The following RNFT2 variants were observed in gnomAD, a reference collection of about 807,000 sequenced individuals.
RNFT2 encodes the protein ring finger protein, transmembrane 2.
In RNFT2, 36 loss-of-function variants were observed where a neutral mutation model predicts 53.0. The observed-to-expected ratio is 0.68, with a 90% confidence interval of 0.52 to 0.90. The LOEUF is 0.90. RNFT2 is among the 40% of genes least tolerant of loss of function. The pLI is 0.00. For synonymous variants in RNFT2, 260 were observed against 253.2 expected, an observed-to-expected ratio of 1.03 and a Z score of -0.26; for missense variants, 514 against 585.6, an observed-to-expected ratio of 0.88 and a Z score of 1.26.
At chr12:116,848,449 A>G (rs532041572) in intron 10 of RNFT2, among the ~76,000 whole-genome samples, 2 of 151,952 alleles carry the variant, frequency 1.3e-5, no homozygotes, top group African/African-American at 2.4e-5. Flanking sequence ...AAGCCCTACC[A>G]TGGGCCCCTT....
At chr12:116,769,746 T>A (rs1214816898) in intron 6 of RNFT2, among the ~76,000 whole-genome samples, 2 of 151,996 alleles carry the variant, frequency 1.3e-5, no homozygotes. Flanking sequence ...AAAATAAATG[T>A]AACGGCCGGG....
intron 7 of RNFT2, among the ~76,000 whole-genome samples, chr12:116,783,135 A>G (rs1287636890): frequency 6.6e-6 from 1 of 151,608 alleles, no homozygotes; most frequent in Non-Finnish European, 1.5e-5. Context: ...GGAGATACAC[A>G]CTCTTATACC....
In RNFT2 at chr12:116,750,127, G is replaced by A; in HGVS notation, c.370G>A (p.Gly124Ser). 6.3e-7 allele frequency: 1 copy of A among 1,575,928 alleles called. No homozygotes were observed. Among genetic ancestry groups the A allele is most frequent in the South Asian group, 1.1e-5 (1 of 87,350 alleles). Reference sequence around the variant, plus strand: ...TTTCCACCATGGCGGCCACCGCGGGGGCTCCCTGCTGCAGCACGTGGGTGG... The same window carrying A: ...TTTCCACCATGGCGGCCACCGCGGGAGCTCCCTGCTGCAGCACGTGGGTGG... ...HHFHHGGHRGGSLLQHVGGDH... is the reference protein window; with the variant it reads ...HHFHHGGHRGSSLLQHVGGDH... The change falls in exon 4 of 11, where the codon GGC (glycine) becomes AGC (serine). Residue 124 changes from glycine to serine, a missense_variant. Gly to Ser is a moderately conservative substitution (Grantham distance 56, BLOSUM62 0). Around this residue, in one of 3 missense-constraint regions of RNFT2, gnomAD observed 237 missense variants for 235.1 expected, o/e 1.01. Coordinates refer to ENST00000257575, the MANE Select transcript of RNFT2 (RefSeq NM_001382266.1).
intron 5 of RNFT2, among the ~76,000 whole-genome samples, chr12:116,756,815 T>G (rs1872527659): frequency 1.3e-5 from 2 of 152,304 alleles, no homozygotes; most frequent in East Asian, 3.9e-4. Context: ...CTTTCCTGGT[T>G]TTGGTATTAG....
chr12:116,754,822 T>C (rs1872426677), intron 5 of RNFT2, among the ~76,000 whole-genome samples: 1 of 152,256 alleles, frequency 6.6e-6, no homozygotes, highest in South Asian at 2.1e-4. Flanking sequence ...AGCCCACTTT[T>C]TGATGGGATT....
intron 7 of RNFT2, among the ~76,000 whole-genome samples, chr12:116,817,025 T>G (rs1409278631): frequency 1.3e-5 from 2 of 152,200 alleles, no homozygotes; most frequent in Admixed American, 6.5e-5. Context: ...TTTTGTTTTG[T>G]TTTTTGAGAT....
intron 7 of RNFT2, among the ~76,000 whole-genome samples, chr12:116,829,887 C>T (rs1876548652): frequency 6.6e-6 from 1 of 152,010 alleles, no homozygotes; most frequent in South Asian, 2.1e-4. Flanking sequence ...AGACTCATTT[C>T]CCCTCTAATT....
intron 4 of RNFT2, among the ~76,000 whole-genome samples, chr12:116,752,115 C>T (rs1384035236): frequency 1.3e-5 from 2 of 151,480 alleles, no homozygotes; most frequent in South Asian, 2.1e-4. Flanking sequence ...TTTGTGAGGC[C>T]GAGGCAGGAG....
At chr12:116,845,289 AGAGAGAG>A (rs1877557500) in intron 10 of RNFT2, among the ~76,000 whole-genome samples, 1 of 142,436 alleles carries the variant, frequency 7.0e-6, no homozygotes, top group African/African-American at 2.8e-5. Flanking sequence ...AGAGAGAGAG[AGAGAGAG>A]CTCTTAATCT....
chr12:116,742,265 C>CT (rs769733957), intron 3 of RNFT2, among the ~76,000 whole-genome samples: 5,118 of 112,234 alleles, frequency 0.046, 130 homozygotes, highest in Non-Finnish European at 0.059. Flanking sequence ...GAGGTGGTTT[C>CT]TTTTTTTTTT....
chr12:116,821,270 C>T (rs1271356061), intron 7 of RNFT2, among the ~76,000 whole-genome samples: 3 of 152,014 alleles, frequency 2.0e-5, no homozygotes, highest in Admixed American at 2.0e-4. Context: ...TTGCTTCTAT[C>T]CCCAGTCCTG....
intron 5 of RNFT2, 128 bp from the exon 6 acceptor site, chr12:116,766,686 C>T (rs932964408): frequency 2.8e-6 from 2 of 709,838 alleles, no homozygotes; most frequent in Admixed American, 4.4e-5. Flanking sequence ...CAATGCCCTT[C>T]CTTTCACCTT....
chr12:116,740,837 G>A (rs1592931466), intron 2 of RNFT2, 199 bp from the exon 3 acceptor site: 1 of 635,212 alleles, frequency 1.6e-6, no homozygotes, highest in Non-Finnish European at 2.8e-6. Context: ...GAAATGGGGT[G>A]ATAGCTTTCC....
chr12:116,767,019 T>A lies in RNFT2; in HGVS notation c.728+105T>A, dbSNP rs1872946145. On this transcript the variant is annotated intron_variant, in intron 6 of 10. Transcript: ENST00000257575. ...AATGAGGCACAAGCTCTATGTCATG[T>A]TGTAACTTCCAAATTCCACCCTGCT... The A allele has an allele frequency of 1.6e-5, 12 of 730,926 alleles. No individual in the cohort carries two copies. In the East Asian group the frequency reaches 3.3e-4, roughly 20 times the overall value. 45.3% of individuals were successfully genotyped at this position (730,926 alleles called of 1,614,324 possible).
rs547722292 is a variant in RNFT2 at position 116,808,372 on chromosome 12, G to A, written c.883-25420G>A. On this transcript the variant is annotated intron_variant, in intron 7 of 10. Coordinates refer to ENST00000257575, the MANE Select transcript of RNFT2 (RefSeq NM_001382266.1). ...CCCAATGTGCTGGAATTACAGGTGC[G>A]AGCCGCTGCATCCAGCCTTCATGTT... 4.6e-5 allele frequency among the ~76,000 whole-genome samples: 7 copies of A among 152,280 alleles called. No individual in the cohort carries two copies. In the South Asian group the frequency reaches 8.3e-4, roughly 18 times the overall value.
chr12:116,781,607 A>C (rs1466578224), intron 7 of RNFT2, among the ~76,000 whole-genome samples: 1 of 151,626 alleles, frequency 6.6e-6, no homozygotes, highest in African/African-American at 2.4e-5. Flanking sequence ...CCCTCCCCCT[A>C]CACCTCTGCC....
intron 7 of RNFT2, among the ~76,000 whole-genome samples, chr12:116,828,882 T>C (rs1876487143): frequency 6.6e-6 from 1 of 152,002 alleles, no homozygotes; most frequent in Non-Finnish European, 1.5e-5. Context: ...GGCTCACATC[T>C]GTAGTCCCTA....
At chr12:116,759,161 C>A (rs971762374) in intron 5 of RNFT2, among the ~76,000 whole-genome samples, 2 of 152,078 alleles carry the variant, frequency 1.3e-5, no homozygotes, top group African/African-American at 4.8e-5. Context: ...CCGAGACTTT[C>A]CAGAGCATTT....
intron 10 of RNFT2, among the ~76,000 whole-genome samples, 171 bp from the exon 11 acceptor site, chr12:116,849,143 G>A (rs1249806438): frequency 1.3e-5 from 2 of 152,068 alleles, no homozygotes; most frequent in Non-Finnish European, 2.9e-5. Flanking sequence ...TCATCTTGGT[G>A]CTTCCTACTG....
Sources: allele counts gnomAD v4.1 joint callset (sites outside exome capture counted in the v4.1 genomes callset), GRCh38; gene constraint gnomAD v4.1.1; regional missense constraint gnomAD v4.1.1; transcripts MANE v1.5; gene names NCBI Gene and HGNC (gene_info 2026-07-23, HGNC 2026-07-21).